The following HOOK3 variants were observed in gnomAD, a reference collection of about 807,000 sequenced individuals.
HOOK3 encodes hook microtubule tethering protein 3, also known as protein Hook homolog 3.
A neutral mutation model predicts 116.3 loss-of-function variants in HOOK3; 24 were observed. The observed-to-expected ratio is 0.21, with a 90% CI of 0.15 to 0.29. HOOK3 has a LOEUF of 0.29. Among genes scored for constraint, HOOK3 ranks in the 10% least tolerant of loss-of-function variants. The pLI is 1.00. For synonymous variants in HOOK3, 275 were observed against 283.0 expected, an observed-to-expected ratio of 0.97 and a Z score of 0.28; for missense variants, 632 against 830.2, an observed-to-expected ratio of 0.76 and a Z score of 2.93.
intron 1 of HOOK3, among the ~76,000 whole-genome samples, chr8:42,903,544 C>G (rs1343799132): frequency 1.3e-5 from 2 of 149,744 alleles, no homozygotes; most frequent in African/African-American, 4.9e-5. Context: ...CGGGGTTTCA[C>G]CGTGTTGGCC....
At chr8:42,928,674 T>G (rs941662484) in intron 3 of HOOK3, among the ~76,000 whole-genome samples, 3 of 152,190 alleles carry the variant, frequency 2.0e-5, no homozygotes, top group African/African-American at 7.2e-5. Context: ...TATCATAGTC[T>G]TAATATTCAG....
chr8:42,978,449 C>A (rs1036678268), intron 13 of HOOK3, among the ~76,000 whole-genome samples: 5 of 150,556 alleles, frequency 3.3e-5, no homozygotes, highest in Non-Finnish European at 5.9e-5. Flanking sequence ...TCACTCTTGT[C>A]CCCCAGGCTG....
chr8:42,930,996 G>C (rs1322991378), intron 4 of HOOK3, among the ~76,000 whole-genome samples: 5 of 152,132 alleles, frequency 3.3e-5, no homozygotes, highest in African/African-American at 7.2e-5. Context: ...GATCACATCA[G>C]TCTCCTCCTT....
chr8:42,940,510 G>A (rs1187395297), intron 4 of HOOK3, among the ~76,000 whole-genome samples: 2 of 152,062 alleles, frequency 1.3e-5, no homozygotes, highest in Admixed American at 6.5e-5. Flanking sequence ...ACAGGGACAG[G>A]GACAGGGACA....
chr8:42,995,174 A>G (rs563745338), intron 15 of HOOK3, among the ~76,000 whole-genome samples: 1 of 152,266 alleles, frequency 6.6e-6, no homozygotes. Flanking sequence ...TAAATTATAA[A>G]CCTATAATTT....
intron 13 of HOOK3, among the ~76,000 whole-genome samples, chr8:42,980,559 G>A (rs977243187): frequency 6.6e-6 from 1 of 152,050 alleles, no homozygotes; most frequent in African/African-American, 2.4e-5. Context: ...TGTTAATGGA[G>A]TAATGGTCAT....
At chr8:42,966,423 TGAG>T in intron 9 of HOOK3, 47 bp from the exon 10 acceptor site, 2 of 1,590,382 alleles carry the variant, frequency 1.3e-6, no homozygotes, top group Non-Finnish European at 1.7e-6. Flanking sequence ...CTAAGGAGAA[TGAG>T]GAGGCAGTAA....
intron 2 of HOOK3, among the ~76,000 whole-genome samples, chr8:42,918,472 G>C (rs1335395915): frequency 1.3e-5 from 2 of 151,786 alleles, no homozygotes; most frequent in Non-Finnish European, 2.9e-5. Flanking sequence ...GTGTTTCTCG[G>C]AGAGGGGGAT....
At chr8:42,970,780 G>GTTTTTTTTTTTTTTT (rs1299118892) in intron 11 of HOOK3, among the ~76,000 whole-genome samples, 28 of 127,886 alleles carry the variant, frequency 2.2e-4, no homozygotes, top group African/African-American at 9.0e-4. Context: ...AGGAATTTGG[G>GTTTTTTTTTTTTTTT]TCTTTTTTTT....
At chr8:42,925,354 C>T (rs375709470) in intron 2 of HOOK3, among the ~76,000 whole-genome samples, 24 of 152,294 alleles carry the variant, frequency 1.6e-4, no homozygotes, top group East Asian at 1.4e-3. Context: ...CCACCTCAGC[C>T]TCCCAAAGTG....
chr8:42,985,163 C>G (rs1809026753), intron 14 of HOOK3, among the ~76,000 whole-genome samples: 1 of 152,090 alleles, frequency 6.6e-6, no homozygotes. Flanking sequence ...GGGAGACTGG[C>G]AGGATGTGTC....
intron 2 of HOOK3, among the ~76,000 whole-genome samples, chr8:42,916,745 C>A (rs1228723271): frequency 6.6e-6 from 1 of 152,190 alleles, no homozygotes; most frequent in Non-Finnish European, 1.5e-5. Context: ...GAATTTCTAA[C>A]AACTTTGTAT....
At chr8:42,900,264 C>T (rs576704000) in intron 1 of HOOK3, among the ~76,000 whole-genome samples, 2 of 152,270 alleles carry the variant, frequency 1.3e-5, no homozygotes, top group South Asian at 4.1e-4. Flanking sequence ...CTCCTCTCTC[C>T]ACCCTCTGAG....
chr8:42,930,322 C>T, intron 4 of HOOK3, 150 bp downstream of exon 4: 2 of 627,308 alleles, frequency 3.2e-6, no homozygotes, highest in Non-Finnish European at 2.5e-6. Context: ...ATGGTTCAAC[C>T]AACCATCTGT....
At chr8:42,962,088 A>T (rs1808544077) in intron 8 of HOOK3, among the ~76,000 whole-genome samples, 1 of 150,042 alleles carries the variant, frequency 6.7e-6, no homozygotes, top group Admixed American at 6.6e-5. Context: ...CATCTGGCTC[A>T]TTGTTTTGTT....
At chr8:42,910,512 A>C (rs1451187525) in intron 2 of HOOK3, among the ~76,000 whole-genome samples, 2 of 152,236 alleles carry the variant, frequency 1.3e-5, no homozygotes, top group African/African-American at 4.8e-5. Flanking sequence ...GCTATGCCAA[A>C]GATAGCCATG....
rs531168240 is a variant in HOOK3, at chr8:42,974,915, G to A, written c.1321+721G>A. On this transcript the variant is annotated intron_variant, in intron 13 of 21. Coordinates refer to ENST00000307602, the MANE Select transcript of HOOK3 (RefSeq NM_032410.4). ...AAGAACCCTAAGGAATCGCCTGGCA[G>A]TCCAGCTGTCTGTGTGGATGCCGAG... Among the ~76,000 whole-genome samples the A allele has an allele frequency of 3.9e-5, 6 of 152,332 alleles. No individual in the cohort carries two copies. In the South Asian group the frequency reaches 1.2e-3, roughly 32 times the overall value.
At chr8:43,010,233 T>C (rs891416751) in intron 18 of HOOK3, 72 bp from the exon 19 acceptor site, 5 of 306,268 alleles carry the variant, frequency 1.6e-5, no homozygotes, top group Non-Finnish European at 2.7e-5. Context: ...TAATCTAAAA[T>C]AAATTTATTT....
intron 9 of HOOK3, among the ~76,000 whole-genome samples, 173 bp downstream of exon 9, chr8:42,964,647 G>A (rs1808597606): frequency 6.6e-6 from 1 of 151,834 alleles, no homozygotes; most frequent in South Asian, 2.1e-4. Context: ...GCTAACATGA[G>A]GAAACCCCAT....
Sources: gnomAD v4.1 joint callset for allele counts (sites outside exome capture counted in the v4.1 genomes callset) on GRCh38, gnomAD v4.1.1 for gene constraint, MANE v1.5 for transcripts, NCBI Gene and HGNC (gene_info 2026-07-23, HGNC 2026-07-21) for gene names.